The following LRRC4C variants were observed in gnomAD, a reference collection of about 807,000 sequenced individuals.
LRRC4C encodes the protein leucine rich repeat containing 4C, also known as leucine-rich repeat-containing protein 4C.
A neutral mutation model predicts 33.6 loss-of-function variants in LRRC4C; 5 were observed. The observed-to-expected ratio is 0.15, with a 90% CI of 0.08 to 0.31. The LOEUF (loss-of-function observed/expected upper bound fraction) is 0.31, where lower values mean the gene tolerates loss of function less well. Ranked by LOEUF, LRRC4C falls within the 10% of genes least tolerant of loss-of-function variation. The pLI, the probability that LRRC4C is intolerant of heterozygous loss-of-function variation, is 1.00. For missense variants in LRRC4C, 560 were observed against 796.7 expected (o/e 0.70, Z 3.58); for synonymous variants, 329 against 302.0 (o/e 1.09, Z -0.93).
At chr11:40,382,656 T>C (rs1469317274) in intron 3 of LRRC4C, among the ~76,000 whole-genome samples, 2 of 150,892 alleles carry the variant, frequency 1.3e-5, no homozygotes, top group Non-Finnish European at 2.9e-5. Flanking sequence ...CTCTGGGACT[T>C]CATTTTGCAC....
At chr11:41,009,063 A>T (rs1310974682) in intron 1 of LRRC4C, among the ~76,000 whole-genome samples, 1 of 152,082 alleles carries the variant, frequency 6.6e-6, no homozygotes, top group East Asian at 1.9e-4. Flanking sequence ...GAAAGAAAGA[A>T]AAATGGTATA....
At chr11:40,639,796 C>A (rs1322303495) in intron 3 of LRRC4C, among the ~76,000 whole-genome samples, 1 of 152,106 alleles carries the variant, frequency 6.6e-6, no homozygotes, top group Non-Finnish European at 1.5e-5. Flanking sequence ...AGAAATCAAG[C>A]ATAATGAATT....
At chr11:40,993,718 A>G (rs781218736) in intron 1 of LRRC4C, among the ~76,000 whole-genome samples, 1 of 152,130 alleles carries the variant, frequency 6.6e-6, no homozygotes, top group Admixed American at 6.6e-5. Context: ...ACATAGTGTT[A>G]CACAAGTCAC....
At chr11:41,002,598 G>A (rs529972677) in intron 1 of LRRC4C, among the ~76,000 whole-genome samples, 68 of 152,168 alleles carry the variant, frequency 4.5e-4, no homozygotes, top group African/African-American at 1.5e-3. Context: ...CCAAATTAAG[G>A]CCAGAATTAC....
At chr11:40,830,352 A>C (rs1269896316) in intron 2 of LRRC4C, among the ~76,000 whole-genome samples, 1 of 152,112 alleles carries the variant, frequency 6.6e-6, no homozygotes, top group African/African-American at 2.4e-5. Context: ...TTAAATGCCA[A>C]CCAAAGCAGT....
At chr11:40,574,984 T>C (rs1168337191) in intron 3 of LRRC4C, among the ~76,000 whole-genome samples, 1 of 152,082 alleles carries the variant, frequency 6.6e-6, no homozygotes, top group African/African-American at 2.4e-5. Flanking sequence ...TATGGGCACA[T>C]CCTGTTGGCT....
chr11:40,453,088 G>A (rs534878523), intron 3 of LRRC4C, among the ~76,000 whole-genome samples: 142 of 151,858 alleles, frequency 9.4e-4, no homozygotes, highest in African/African-American at 3.3e-3. Flanking sequence ...GTTAAATGAC[G>A]AGTTAATGGG....
chr11:41,452,352 C>T (rs1436142406), intron 1 of LRRC4C, among the ~76,000 whole-genome samples: 2 of 151,884 alleles, frequency 1.3e-5, no homozygotes, highest in Admixed American at 1.3e-4. Context: ...TGTGTTTGCT[C>T]AATAGATATG....
chr11:40,796,581 C>A (rs1224740331), intron 2 of LRRC4C, among the ~76,000 whole-genome samples: 4 of 145,046 alleles, frequency 2.8e-5, no homozygotes, highest in Admixed American at 1.4e-4. Context: ...GGGAACAATA[C>A]AAATTAAATC....
intron 2 of LRRC4C, among the ~76,000 whole-genome samples, chr11:40,665,316 A>C (rs1591408793): frequency 2.6e-5 from 1 of 37,882 alleles, no homozygotes; most frequent in African/African-American, 8.5e-5. Context: ...CTTAAAAAAA[A>C]AAAAAAAAAA....
chr11:40,686,981 A>G (rs1419124063), intron 2 of LRRC4C, among the ~76,000 whole-genome samples: 3 of 152,144 alleles, frequency 2.0e-5, no homozygotes, highest in South Asian at 4.1e-4. Flanking sequence ...GACTTCCTGT[A>G]TGAGAACTTG....
chr11:40,403,856 T>C (rs537540295), intron 3 of LRRC4C, among the ~76,000 whole-genome samples: 1 of 152,202 alleles, frequency 6.6e-6, no homozygotes, highest in African/African-American at 2.4e-5. Context: ...CTAAACAGAT[T>C]TGACTCCTAG....
rs1943959826 is a variant in LRRC4C, at chr11:41,150,797, A to AAAT, written c.-495-217075_-495-217074insATT. ...AAATAAATAAATAAATAAATAAAAT[A>AAAT]AAATAAAATAAAATAAAATAAAATA... On this transcript the variant is annotated intron_variant, in intron 1 of 6. Transcript: ENST00000528697. 2.6e-3 allele frequency among the ~76,000 whole-genome samples: 5 copies of AAAT among 1,934 alleles called. No homozygotes were observed. In the Non-Finnish European group the frequency reaches 0.027, roughly 10 times the overall value. 1.3% of individuals were successfully genotyped at this position (1,934 alleles called of 152,430 possible).
intron 2 of LRRC4C, among the ~76,000 whole-genome samples, chr11:40,796,210 A>C (rs2135222331): frequency 6.6e-6 from 1 of 152,296 alleles, no homozygotes; most frequent in South Asian, 2.1e-4. Flanking sequence ...TGGATACAAA[A>C]CCATTAAAAT....
chr11:40,903,895 T>C (rs1956308453), intron 2 of LRRC4C, among the ~76,000 whole-genome samples: 1 of 151,864 alleles, frequency 6.6e-6, no homozygotes, highest in Admixed American at 6.6e-5. Flanking sequence ...ACATCTCATG[T>C]ACTTCATAAA....
At chr11:40,748,847 A>C (rs1948552258) in intron 2 of LRRC4C, among the ~76,000 whole-genome samples, 1 of 152,130 alleles carries the variant, frequency 6.6e-6, no homozygotes, top group Admixed American at 6.5e-5. Context: ...ATATTGATTA[A>C]ACCAGACATT....
At chr11:40,418,282 C>A (rs1950400350) in intron 3 of LRRC4C, among the ~76,000 whole-genome samples, 1 of 151,984 alleles carries the variant, frequency 6.6e-6, no homozygotes, top group Non-Finnish European at 1.5e-5. Context: ...CAAACAACCC[C>A]ATTAAAAAGT....
intron 3 of LRRC4C, among the ~76,000 whole-genome samples, chr11:40,639,080 G>A (rs1941952271): frequency 6.6e-6 from 1 of 150,832 alleles, no homozygotes; most frequent in Admixed American, 6.6e-5. Context: ...TCGAAAGTAT[G>A]AAAATTCCTA....
At chr11:40,622,737 T>C (rs1962572164) in intron 3 of LRRC4C, among the ~76,000 whole-genome samples, 1 of 151,858 alleles carries the variant, frequency 6.6e-6, no homozygotes, top group South Asian at 2.1e-4. Flanking sequence ...TCCACTGTTT[T>C]CTAAATATGA....
Sources: gnomAD v4.1 joint callset for allele counts (sites outside exome capture counted in the v4.1 genomes callset) on GRCh38, gnomAD v4.1.1 for gene constraint, MANE v1.5 for transcripts, NCBI Gene and HGNC (gene_info 2026-07-23, HGNC 2026-07-21) for gene names.